The following PHACTR4 variants were observed in gnomAD, a reference collection of about 807,000 sequenced individuals.
PHACTR4 encodes protein phosphatase 1, regulatory subunit 124.
A neutral mutation model predicts 72.7 loss-of-function variants in PHACTR4; 51 were observed. That is an observed-to-expected ratio of 0.70 (90% CI 0.56 to 0.89). PHACTR4 has a LOEUF of 0.89. Among genes scored for constraint, PHACTR4 ranks in the 40% least tolerant of loss-of-function variants. PHACTR4 has a pLI of 0.00. For missense variants in PHACTR4, 731 were observed against 861.8 expected (o/e 0.85, Z 1.90); for synonymous variants, 255 against 302.5 (o/e 0.84, Z 1.63).
chr1:28,403,056 A>G (rs1214973866), intron 1 of PHACTR4, among the ~76,000 whole-genome samples: 2 of 152,222 alleles, frequency 1.3e-5, no homozygotes, highest in African/African-American at 2.4e-5. Flanking sequence ...ATTGGAAGGT[A>G]TCAGATGGCT....
At chr1:28,387,975 G>A (rs1228013612) in intron 1 of PHACTR4, among the ~76,000 whole-genome samples, 1 of 152,008 alleles carries the variant, frequency 6.6e-6, no homozygotes, top group Non-Finnish European at 1.5e-5. Context: ...TGATCCACCC[G>A]CCTTGGCCTC....
rs1292199966 is a variant in PHACTR4, at chr1:28,476,450, C to T, written c.1606+159C>T. Among the ~76,000 whole-genome samples the T allele has an allele frequency of 3.3e-5, 5 of 151,938 alleles. No individual in the cohort carries two copies. The South Asian group carries it at 8.3e-4, about 25-fold the overall frequency. On this transcript the variant is annotated intron_variant, in intron 8 of 13. Transcript: ENST00000373839. ...AAGCCACTGTGAAGGACTCCTTGTC[C>T]CTATTATCACCCCTCTGTTAAAACA...
At chr1:28,422,879 C>G (rs1020776671) in intron 2 of PHACTR4, among the ~76,000 whole-genome samples, 6 of 152,166 alleles carry the variant, frequency 3.9e-5, no homozygotes, top group Non-Finnish European at 5.9e-5. Context: ...CTTCACCTCC[C>G]GGGTTCAAGC....
At chr1:28,438,355 T>C in intron 2 of PHACTR4, 2 of 1,604,764 alleles carry the variant, frequency 1.2e-6, no homozygotes, top group Non-Finnish European at 1.7e-6. Flanking sequence ...GGACAGTTTG[T>C]TGTCGTGAGA....
intron 2 of PHACTR4, among the ~76,000 whole-genome samples, chr1:28,435,823 A>G (rs1378237075): frequency 1.3e-5 from 2 of 152,106 alleles, no homozygotes; most frequent in Admixed American, 6.6e-5. Context: ...TTGCATTCCC[A>G]TTTTACAATA....
intron 2 of PHACTR4, among the ~76,000 whole-genome samples, chr1:28,419,861 C>T (rs1655397333): frequency 2.0e-5 from 3 of 152,096 alleles, no homozygotes; most frequent in African/African-American, 4.8e-5. Flanking sequence ...GATAAAGTCT[C>T]CTTTGACCAC....
At chr1:28,449,775 C>A (rs1449384945) in intron 2 of PHACTR4, among the ~76,000 whole-genome samples, 1 of 151,856 alleles carries the variant, frequency 6.6e-6, no homozygotes, top group Admixed American at 6.6e-5. Context: ...TCCCTTGAAC[C>A]CAGGAGGCAG....
intron 11 of PHACTR4, among the ~76,000 whole-genome samples, chr1:28,491,309 T>C (rs1254106318): frequency 6.6e-6 from 1 of 151,634 alleles, no homozygotes; most frequent in East Asian, 1.9e-4. Context: ...AAAATATATA[T>C]TAGCCAGGCA....
chr1:28,482,178 T>C (rs894132711), intron 9 of PHACTR4, among the ~76,000 whole-genome samples: 1 of 152,086 alleles, frequency 6.6e-6, no homozygotes, highest in Non-Finnish European at 1.5e-5. Flanking sequence ...ATTACAGGTG[T>C]GAGCCACCAC....
rs11539548 is a variant in PHACTR4 at position 28,466,530 on chromosome 1, G to A, written c.585G>A (p.Thr195=). Residue 195 remains threonine, a synonymous_variant, in exon 6 of 14, where the codon ACG becomes ACA. Coordinates refer to ENST00000373839, the MANE Select transcript of PHACTR4 (RefSeq NM_001048183.3). ...QAKDATSSGG[T]ARFIISTSIT... ...AGGATGCCACTTCCTCTGGCGGCAC[G>A]GCAAGGTTCATCATCTCCACCTCCA... 0.037 allele frequency: 60,382 copies of A among 1,613,854 alleles called. 3,454 individuals carry two copies. The highest frequency in any genetic ancestry group is 0.27 in the African/African-American group (20,171 of 74,850).
intron 2 of PHACTR4, among the ~76,000 whole-genome samples, chr1:28,411,511 T>C (rs1654786541): frequency 6.6e-6 from 1 of 152,220 alleles, no homozygotes; most frequent in African/African-American, 2.4e-5. Flanking sequence ...CTTAGTTGTT[T>C]ACTATACATA....
chr1:28,464,976 T>C (rs1659045367), intron 4 of PHACTR4, among the ~76,000 whole-genome samples: 1 of 152,088 alleles, frequency 6.6e-6, no homozygotes, highest in South Asian at 2.1e-4. Flanking sequence ...AGTGCTGAGA[T>C]TACAGGTGTG....
At chr1:28,442,878 TGATTA>T (rs1394654973) in intron 2 of PHACTR4, among the ~76,000 whole-genome samples, 10 of 152,298 alleles carry the variant, frequency 6.6e-5, no homozygotes, top group Admixed American at 2.0e-4. Context: ...ATGTATGATG[TGATTA>T]GATTAGGGTA....
chr1:28,397,866 T>TTTG (rs1025643985), intron 1 of PHACTR4, among the ~76,000 whole-genome samples: 2 of 151,982 alleles, frequency 1.3e-5, no homozygotes, highest in South Asian at 2.1e-4. Context: ...CTGCTAATTT[T>TTTG]TTGTTGTTGT....
intron 1 of PHACTR4, among the ~76,000 whole-genome samples, chr1:28,386,002 A>G (rs1305845957): frequency 1.3e-5 from 2 of 152,166 alleles, no homozygotes; most frequent in Non-Finnish European, 2.9e-5. Context: ...GTTCTTTTGC[A>G]TTTGCTGAGA....
chr1:28,389,150 C>A (rs1652803391), intron 1 of PHACTR4, among the ~76,000 whole-genome samples: 1 of 60,752 alleles, frequency 1.6e-5, no homozygotes, highest in Non-Finnish European at 3.1e-5. Context: ...ATGAGGAACT[C>A]AACAGCAAGG....
intron 2 of PHACTR4, among the ~76,000 whole-genome samples, chr1:28,433,670 C>G (rs1009301347): frequency 6.6e-6 from 1 of 151,494 alleles, no homozygotes; most frequent in Non-Finnish European, 1.5e-5. Context: ...GTTGGCCAGG[C>G]TGGTCTCAAA....
chr1:28,395,245 G>T (rs1309970406), intron 1 of PHACTR4, among the ~76,000 whole-genome samples: 1 of 99,174 alleles, frequency 1.0e-5, no homozygotes, highest in Non-Finnish European at 2.0e-5. Context: ...TGTCTTTGAG[G>T]TTTCCTCAAA....
rs530709373 is a variant in PHACTR4 at position 28,454,556 on chromosome 1, G to A, written c.17-4529G>A. On this transcript the variant is annotated intron_variant, in intron 2 of 13. Transcript: ENST00000373839. ...TGGGATTACAGGTGTGAGCCGCCGC[G>A]CCCGGCCATCACTTTCATAATTAGA... 1.1e-4 allele frequency among the ~76,000 whole-genome samples: 17 copies of A among 151,860 alleles called. No individual in the cohort carries two copies. The South Asian group carries it at 3.1e-3, about 28-fold the overall frequency.
Sources: allele counts gnomAD v4.1 joint callset (sites outside exome capture counted in the v4.1 genomes callset), GRCh38; gene constraint gnomAD v4.1.1; transcripts MANE v1.5; gene names NCBI Gene and HGNC (gene_info 2026-07-23, HGNC 2026-07-21).